Variants in SPTBN1 observed in about 807,000 individuals in gnomAD.
SPTBN1 encodes spectrin beta, non-erythrocytic 1.
In SPTBN1, 32 loss-of-function variants were observed where a neutral mutation model predicts 266.4. The ratio of observed to expected loss-of-function variants is 0.12; its 90% CI spans 0.09 to 0.16. The LOEUF is 0.16. Among genes scored for constraint, SPTBN1 ranks in the 10% least tolerant of loss-of-function variants. SPTBN1 has a pLI of 1.00. For missense variants in SPTBN1, 2,296 were observed against 3,067.1 expected (o/e 0.75, Z 5.94); for synonymous variants, 1,336 against 1,162.2 (o/e 1.15, Z -3.04).
At chr2:54,579,382 T>TG (rs2104562667) in intron 2 of SPTBN1, among the ~76,000 whole-genome samples, 1 of 152,298 alleles carries the variant, frequency 6.6e-6, no homozygotes, top group South Asian at 2.1e-4. Context: ...GACCATTATT[T>TG]GGGGAAATCA....
chr2:54,653,763 G>A lies in SPTBN1; in HGVS notation c.5732G>A (p.Gly1911Glu), dbSNP rs551497836. The change falls in exon 27 of 36, where the codon GGG becomes GAG. Residue 1911 changes from glycine to glutamate, a missense_variant. Physicochemically the swap from Gly to Glu is moderately conservative, Grantham distance 98 (BLOSUM62 -2). Coordinates refer to ENST00000356805, the MANE Select transcript of SPTBN1 (RefSeq NM_003128.3). The surrounding 1 kb of genome is among the most constrained non-coding windows in gnomAD (Gnocchi z 5.1). Reference protein sequence around the residue: ...ESRRVRLVDTGDKFRFFSMVR... With the variant: ...ESRRVRLVDTEDKFRFFSMVR... Reference sequence around the variant, plus strand: ...CGCAGGGTGCGGCTGGTGGACACAGGGGACAAGTTCCGCTTCTTCAGCATG... The same window carrying A: ...CGCAGGGTGCGGCTGGTGGACACAGAGGACAAGTTCCGCTTCTTCAGCATG... The A allele has an allele frequency of 2.5e-6, 4 of 1,614,222 alleles. No homozygotes were observed. The African/African-American group carries it at 4.0e-5, about 16-fold the overall frequency.
chr2:54,647,331 C>T, intron 24 of SPTBN1, 70 bp downstream of exon 24: 2 of 1,566,492 alleles, frequency 1.3e-6, no homozygotes, highest in Non-Finnish European at 1.7e-6. Context: ...TGCTAACCCC[C>T]ACCAAAAGAA....
chr2:54,653,601 C>T lies in SPTBN1; in HGVS notation c.5578-8C>T. ...CTGACCTGGCTCATCCCCTACATGG[C>T]TTCACAGGTGAGGCAGCTGCAGGAG... On this transcript the variant is annotated splice_region_variant and splice_polypyrimidine_tract_variant and intron_variant, in intron 26 of 35. Coordinates refer to ENST00000356805, the MANE Select transcript of SPTBN1 (RefSeq NM_003128.3). This position sits in a 1 kb window ranked among gnomAD's most constrained non-coding sequence, Gnocchi z 5.1. 1.2e-6 allele frequency: 2 copies of T among 1,613,110 alleles called. No individual in the cohort carries two copies. The highest frequency in any genetic ancestry group is 2.2e-5 in the East Asian group (1 of 44,876).
chr2:54,580,452 G>A (rs1467692812), intron 2 of SPTBN1, among the ~76,000 whole-genome samples: 1 of 152,112 alleles, frequency 6.6e-6, no homozygotes, highest in Non-Finnish European at 1.5e-5. Context: ...TACATAAAGA[G>A]CACATTTCTC....
intron 1 of SPTBN1, among the ~76,000 whole-genome samples, chr2:54,466,260 G>A (rs2103825324): frequency 6.6e-6 from 1 of 152,258 alleles, no homozygotes; most frequent in East Asian, 1.9e-4. Flanking sequence ...AGATCAATTA[G>A]TATGAAATTT....
rs777153620 is a variant in SPTBN1, at chr2:54,649,733, C to T, written c.5321C>T (p.Ala1774Val). 6.2e-7 allele frequency: 1 copy of T among 1,614,186 alleles called. No individual in the cohort carries two copies. Among genetic ancestry groups the T allele is most frequent in the Non-Finnish European group, 8.5e-7 (1 of 1,180,026 alleles). ...ATCAACTCTGGACATTCAGATGCCG[C>T]CACCATCGCTGAATGGAAGGATGGC... Reference protein sequence around the residue: ...ELINSGHSDAATIAEWKDGLN... With the variant: ...ELINSGHSDAVTIAEWKDGLN... The change falls in exon 26 of 36, where the codon GCC becomes GTC. Residue 1774 changes from alanine (A) to valine (V), a missense_variant. By Grantham distance (64) the Ala-to-Val change is moderately conservative. Around this residue, in one of 12 missense-constraint regions of SPTBN1, gnomAD observed 644 missense variants for 745.3 expected, o/e 0.86. Coordinates refer to ENST00000356805, the MANE Select transcript of SPTBN1 (RefSeq NM_003128.3). This position sits in a 1 kb window ranked among gnomAD's most constrained non-coding sequence, Gnocchi z 6.7.
At chr2:54,532,166 A>G (rs1211652120) in intron 2 of SPTBN1, among the ~76,000 whole-genome samples, 5 of 152,188 alleles carry the variant, frequency 3.3e-5, no homozygotes, top group Middle Eastern at 3.4e-3. Flanking sequence ...GCGGGCGCCT[A>G]TAATCCCAGC....
chr2:54,480,451 G>A (rs2103929317), intron 1 of SPTBN1, among the ~76,000 whole-genome samples: 1 of 152,304 alleles, frequency 6.6e-6, no homozygotes. Context: ...TTTGTCTTAT[G>A]CAGTATTTGA....
chr2:54,495,283 A>T (rs965938663), intron 1 of SPTBN1, among the ~76,000 whole-genome samples: 1 of 152,214 alleles, frequency 6.6e-6, no homozygotes, highest in East Asian at 1.9e-4. Context: ...GACAAAATCA[A>T]CTCGGCTTTG....
intron 2 of SPTBN1, among the ~76,000 whole-genome samples, chr2:54,541,223 T>C (rs1671916453): frequency 6.6e-6 from 1 of 152,222 alleles, no homozygotes; most frequent in African/African-American, 2.4e-5. Flanking sequence ...TATATGTCTC[T>C]ACTATGAACA....
intron 1 of SPTBN1, among the ~76,000 whole-genome samples, chr2:54,506,016 T>C (rs1669532854): frequency 1.3e-5 from 2 of 151,772 alleles, no homozygotes; most frequent in South Asian, 4.2e-4. Context: ...CCCAGCTACT[T>C]GGGAGGTTGA....
intron 1 of SPTBN1, among the ~76,000 whole-genome samples, chr2:54,479,595 A>G (rs909660956): frequency 5.9e-5 from 9 of 152,204 alleles, no homozygotes; most frequent in Admixed American, 5.2e-4. Context: ...GGCAAACCAG[A>G]TAACATGGTC....
chr2:54,526,854 C>T (rs4671224), intron 2 of SPTBN1: 86,303 of 271,018 alleles, frequency 0.32, 15,758 homozygotes, highest in East Asian at 0.42. Context: ...ACAAATCTTA[C>T]ATTCCAAAAT....
At chr2:54,491,048 A>G (rs1299211470) in intron 1 of SPTBN1, among the ~76,000 whole-genome samples, 1 of 152,212 alleles carries the variant, frequency 6.6e-6, no homozygotes, top group Non-Finnish European at 1.5e-5. Context: ...GAGCTCTGGC[A>G]TGGAAGAGGA....
intron 1 of SPTBN1, among the ~76,000 whole-genome samples, chr2:54,489,570 T>A (rs187693438): frequency 9.3e-4 from 141 of 152,170 alleles, no homozygotes; most frequent in African/African-American, 3.0e-3. Flanking sequence ...CGTGGTGGTG[T>A]GCATCTGTAA....
intron 2 of SPTBN1, among the ~76,000 whole-genome samples, chr2:54,572,414 T>C (rs1434926387): frequency 6.6e-6 from 1 of 152,186 alleles, no homozygotes; most frequent in East Asian, 1.9e-4. Flanking sequence ...GAACACAGCT[T>C]TTCTAACCGC....
At chr2:54,603,479 G>C (rs4347868) in intron 3 of SPTBN1, among the ~76,000 whole-genome samples, 285 of 152,094 alleles carry the variant, frequency 1.9e-3, no homozygotes, top group African/African-American at 6.5e-3. Context: ...GCCAAGGCCA[G>C]TGCTGCTAGT....
intron 4 of SPTBN1, among the ~76,000 whole-genome samples, chr2:54,615,208 G>C (rs1677520185): frequency 6.6e-6 from 1 of 152,086 alleles, no homozygotes; most frequent in South Asian, 2.1e-4. Context: ...TTTTAATCCT[G>C]TATTTATATA....
At chr2:54,620,318 G>A (rs1227878865) in intron 7 of SPTBN1, among the ~76,000 whole-genome samples, 2 of 152,206 alleles carry the variant, frequency 1.3e-5, no homozygotes, top group Admixed American at 1.3e-4. Flanking sequence ...AATAATGTCA[G>A]CTGTGGGGAT....
Sources: allele counts gnomAD v4.1 joint callset (sites outside exome capture counted in the v4.1 genomes callset), GRCh38; gene constraint gnomAD v4.1.1; regional missense constraint gnomAD v4.1.1; non-coding constraint Gnocchi (gnomAD v3.1); transcripts MANE v1.5; gene names NCBI Gene and HGNC (gene_info 2026-07-23, HGNC 2026-07-21).